ZC3H3: variants seen among roughly 807,000 people sequenced by gnomAD.
ZC3H3 encodes the protein zinc finger CCCH-type containing 3.
ZC3H3 carries 36 observed loss-of-function variants against 77.3 expected under a neutral mutation model. That is an observed-to-expected ratio of 0.47 (90% CI 0.36 to 0.61). ZC3H3 has a LOEUF of 0.61. ZC3H3 is among the 20% of genes least tolerant of loss of function. ZC3H3 has a pLI of 0.00. For missense variants in ZC3H3, 1,331 were observed against 1,312.2 expected (o/e 1.01, Z -0.22); for synonymous variants, 626 against 555.2 (o/e 1.13, Z -1.79).
Position 143,497,628 on chromosome 8 carries a change from C to T in ZC3H3, c.1715+10118G>A, listed in dbSNP as rs403613. ...TCCTGGAGTAGGCAGAGCACAGACG[C>T]AATGCTGCGGTCAGGAGGGCCCTGG... On this transcript the variant is annotated intron_variant, in intron 4 of 11. Coordinates refer to ENST00000262577, the MANE Select transcript of ZC3H3 (RefSeq NM_015117.3). Among the ~76,000 whole-genome samples, 1,271 of 152,330 alleles carry T rather than the reference C, an allele frequency of 8.3e-3. 9 individuals carry two copies. Among genetic ancestry groups the T allele is most frequent in the African/African-American group, 0.029 (1,204 of 41,580 alleles).
intron 3 of ZC3H3, among the ~76,000 whole-genome samples, chr8:143,509,043 C>A (rs995460417): frequency 6.6e-5 from 10 of 152,132 alleles, no homozygotes; most frequent in African/African-American, 2.4e-4. Flanking sequence ...CCCACACTGC[C>A]CTGTCCAGAT....
At position 143,441,068 on chromosome 8, in the gene ZC3H3, C is replaced by A; in HGVS notation, c.2360G>T (p.Cys787Phe). 6.8e-7 allele frequency: 1 copy of A among 1,473,534 alleles called. No homozygotes were observed. The highest frequency in any genetic ancestry group is 1.4e-5 in the South Asian group (1 of 71,530). The allele number at this position is 1,473,534 out of a possible 1,614,324, so 91.3% of individuals were successfully genotyped here. ...CAGCTGGCACTGGGCGCCGCGGGGA[C>A]ACGCCCCCCTGCGGGCAAAGTCGGG... Reference protein sequence around the residue: ...LCPDFARRGACPRGAQCQLLH... With the variant: ...LCPDFARRGAFPRGAQCQLLH... The change falls in exon 10 of 12, where the codon TGT becomes TTT. Residue 787 changes from cysteine to phenylalanine, a missense_variant. This residue lies in a region of ZC3H3 where 249 missense variants were observed against 236.9 expected (regional missense o/e 1.05). Coordinates refer to ENST00000262577, the MANE Select transcript of ZC3H3 (RefSeq NM_015117.3).
chr8:143,514,018 G>A (rs1159767365), intron 3 of ZC3H3, among the ~76,000 whole-genome samples: 1 of 152,218 alleles, frequency 6.6e-6, no homozygotes, highest in African/African-American at 2.4e-5. Flanking sequence ...GTTGTCCCCT[G>A]GGGCCACACA....
Position 143,493,132 on chromosome 8 carries a change from G to A in ZC3H3, c.1715+14614C>T, listed in dbSNP as rs1387102999. Among the ~76,000 whole-genome samples the A allele has an allele frequency of 3.0e-5, 3 of 99,496 alleles. No individual in the cohort carries two copies. The highest frequency in any genetic ancestry group is 7.9e-5 in the African/African-American group (2 of 25,326). 65.3% of individuals were successfully genotyped at this position (99,496 alleles called of 152,430 possible). On this transcript the variant is annotated intron_variant, in intron 4 of 11. Transcript: ENST00000262577. The surrounding 1 kb of genome is among the most constrained non-coding windows in gnomAD (Gnocchi z 4.8). ...CCAGGGGCTCCCTCCTCAGGCTCCC[G>A]TGTCCTGGCCCAGGGGCTCCCTCCT...
chr8:143,492,802 C>A (rs878954920), intron 4 of ZC3H3, among the ~76,000 whole-genome samples: 1 of 110,762 alleles, frequency 9.0e-6, no homozygotes, highest in Non-Finnish European at 1.8e-5. Context: ...CCAGGGGCTC[C>A]CTCCTCAGGG....
chr8:143,468,202 C>T lies in ZC3H3; in HGVS notation c.2175+7G>A. 1 of 1,610,546 alleles carries T rather than the reference C, an allele frequency of 6.2e-7. No individual in the cohort carries two copies. Among genetic ancestry groups the T allele is most frequent in the Non-Finnish European group, 8.5e-7 (1 of 1,178,122 alleles). ...CACGGGAGCAGGGCCACCAGCGCCG[C>T]ACTCACCTTCTCCTTGGACACATGG... On this transcript the variant is annotated splice_region_variant and intron_variant, in intron 8 of 11. Transcript: ENST00000262577.
At chr8:143,489,669 C>T (rs1045941052) in intron 4 of ZC3H3, among the ~76,000 whole-genome samples, 2 of 152,220 alleles carry the variant, frequency 1.3e-5, no homozygotes, top group Non-Finnish European at 1.5e-5. Context: ...CTTAATTCGG[C>T]TCCTGCTACT....
chr8:143,444,225 C>G (rs1819814739), intron 9 of ZC3H3, among the ~76,000 whole-genome samples: 1 of 152,134 alleles, frequency 6.6e-6, no homozygotes, highest in Non-Finnish European at 1.5e-5. Flanking sequence ...CCACCCACCT[C>G]AGCCTCCCAA....
At position 143,465,728 on chromosome 8, in the gene ZC3H3, G is replaced by A; in HGVS notation, c.2296C>T (p.Leu766=). ...CSDFLKGYCP[L]GAKCKKKHTL... is the part of the protein sequence containing the mutation. ...CACAGACCACTCACCTTTGCACCCA[G>A]GGGGCAGTAGCCTTTGAGGAAGTCG... Residue 766 remains leucine (L), a synonymous_variant, in exon 9 of 12, where the codon CTG becomes TTG. Coordinates refer to ENST00000262577, the MANE Select transcript of ZC3H3 (RefSeq NM_015117.3). 6.2e-7 allele frequency: 1 copy of A among 1,613,732 alleles called. No homozygotes were observed. Among genetic ancestry groups the A allele is most frequent in the Non-Finnish European group, 8.5e-7 (1 of 1,179,936 alleles).
chr8:143,449,118 C>G (rs2129810403), intron 9 of ZC3H3, among the ~76,000 whole-genome samples: 1 of 152,346 alleles, frequency 6.6e-6, no homozygotes, highest in East Asian at 1.9e-4. Flanking sequence ...TCAGTTCTCC[C>G]AGGCCTCATG....
chr8:143,461,605 C>T (rs536804284), intron 9 of ZC3H3, among the ~76,000 whole-genome samples: 4 of 152,202 alleles, frequency 2.6e-5, no homozygotes, highest in South Asian at 2.1e-4. Flanking sequence ...GGCAACCACC[C>T]GAACGGACAA....
chr8:143,519,420 C>A (rs1410380852), intron 3 of ZC3H3, among the ~76,000 whole-genome samples: 1 of 152,168 alleles, frequency 6.6e-6, no homozygotes, highest in Non-Finnish European at 1.5e-5. Flanking sequence ...GGGAGCTCAT[C>A]TTTCGGTAAG....
chr8:143,537,900 G>T, intron 2 of ZC3H3, 103 bp downstream of exon 2: 1 of 1,176,212 alleles, frequency 8.5e-7, no homozygotes, highest in Non-Finnish European at 1.2e-6. Flanking sequence ...AAATGTGAAC[G>T]CAACTGCAGG....
At chr8:143,481,699 C>T (rs979297979) in intron 4 of ZC3H3, among the ~76,000 whole-genome samples, 5 of 152,252 alleles carry the variant, frequency 3.3e-5, no homozygotes, top group African/African-American at 4.8e-5. Context: ...TCTGCACCTC[C>T]GGCTGCTGCC....
At chr8:143,505,855 G>A (rs1563866196) in intron 4 of ZC3H3, among the ~76,000 whole-genome samples, 1 of 152,226 alleles carries the variant, frequency 6.6e-6, no homozygotes, top group Non-Finnish European at 1.5e-5. Flanking sequence ...GGCGATGCCT[G>A]CTCCACCTCC....
At chr8:143,463,104 C>T (rs1277254534) in intron 9 of ZC3H3, among the ~76,000 whole-genome samples, 1 of 152,184 alleles carries the variant, frequency 6.6e-6, no homozygotes, top group Non-Finnish European at 1.5e-5. Context: ...CTGCCTCAGC[C>T]TCCCGAGTAG....
intron 9 of ZC3H3, among the ~76,000 whole-genome samples, chr8:143,441,935 C>T (rs1047525118): frequency 2.5e-4 from 38 of 152,130 alleles, no homozygotes; most frequent in African/African-American, 7.9e-4. Context: ...TGGGACTAAG[C>T]GACAGGCGTC....
intron 4 of ZC3H3, among the ~76,000 whole-genome samples, chr8:143,482,199 T>G (rs1820925099): frequency 6.6e-6 from 1 of 152,246 alleles, no homozygotes; most frequent in Non-Finnish European, 1.5e-5. Context: ...GAAAGCACTG[T>G]GCTCCCTCCT....
intron 3 of ZC3H3, among the ~76,000 whole-genome samples, chr8:143,515,729 AG>A (rs1822017318): frequency 6.6e-6 from 1 of 152,226 alleles, no homozygotes; most frequent in Non-Finnish European, 1.5e-5. Context: ...CAAGGCCTAG[AG>A]GAAGACACCA....
Sources: gnomAD v4.1 joint callset for allele counts (sites outside exome capture counted in the v4.1 genomes callset) on GRCh38, gnomAD v4.1.1 for gene constraint, gnomAD v4.1.1 regional missense constraint, Gnocchi (gnomAD v3.1) non-coding constraint, MANE v1.5 for transcripts, NCBI Gene and HGNC (gene_info 2026-07-23, HGNC 2026-07-21) for gene names.